BMPR1A: variants seen among roughly 807,000 people sequenced by gnomAD.
BMPR1A encodes bone morphogenetic protein receptor type-1A.
A neutral mutation model predicts 66.0 loss-of-function variants in BMPR1A; 7 were observed. The ratio of observed to expected loss-of-function variants is 0.11; its 90% CI spans 0.06 to 0.20. The LOEUF (loss-of-function observed/expected upper bound fraction) is 0.20. Ranked by LOEUF, BMPR1A falls within the 10% of genes least tolerant of loss-of-function variation. BMPR1A has a pLI of 1.00. For missense variants in BMPR1A, 408 were observed against 669.1 expected, an observed-to-expected ratio of 0.61 and a Z score of 4.31; for synonymous variants, 200 against 229.7, an observed-to-expected ratio of 0.87 and a Z score of 1.17.
intron 1 of BMPR1A, among the ~76,000 whole-genome samples, chr10:86,835,235 TAAAAAGAA>T (rs549430936): frequency 0.048 from 5,294 of 109,230 alleles, 107 homozygotes; most frequent in Middle Eastern, 0.12. Context: ...ACCCTGTCTT[TAAAAAGAA>T]AAAAAGAAAA....
chr10:86,860,510 C>T (rs1349436820), intron 2 of BMPR1A, among the ~76,000 whole-genome samples: 1 of 152,078 alleles, frequency 6.6e-6, no homozygotes, highest in African/African-American at 2.4e-5. Flanking sequence ...TGACTCACAC[C>T]TGTAATTCCA....
At chr10:86,760,248 CTTTT>C (rs60211336) in intron 1 of BMPR1A, among the ~76,000 whole-genome samples, 16 of 17,020 alleles carry the variant, frequency 9.4e-4, no homozygotes, top group South Asian at 3.7e-3. Context: ...TTCTTTCTTT[CTTTT>C]TTTTTTTTTT....
rs569268991 is a variant in BMPR1A, at chr10:86,780,545, CT to C, written c.-268+23627del. The stretch of plus-strand genomic sequence containing the variant: ...CGCCTCCCAGGTTCAAGCAATTCTC[CT>C]GCCTCAGCCTCCCGAGTAGCTGGGA... On this transcript the variant is annotated intron_variant, in intron 1 of 12. Transcript: ENST00000372037. Among the ~76,000 whole-genome samples, 290 of 152,240 alleles carry C rather than the reference CT, an allele frequency of 1.9e-3. 1 individual carries two copies. Among genetic ancestry groups the C allele is most frequent in the Non-Finnish European group, 2.8e-3 (189 of 68,020 alleles).
chr10:86,881,054 C>T (rs547647195), intron 3 of BMPR1A, among the ~76,000 whole-genome samples: 10 of 152,000 alleles, frequency 6.6e-5, no homozygotes, highest in African/African-American at 2.4e-4. Flanking sequence ...AGTTTGAGAC[C>T]AGCCTGGGCA....
chr10:86,882,327 G>A (rs188675290), intron 3 of BMPR1A, among the ~76,000 whole-genome samples: 3 of 152,196 alleles, frequency 2.0e-5, no homozygotes, highest in Admixed American at 6.5e-5. Flanking sequence ...GGAGGCTGAG[G>A]TGGGAGGATC....
intron 1 of BMPR1A, among the ~76,000 whole-genome samples, chr10:86,814,445 G>A (rs1842008036): frequency 6.6e-6 from 1 of 151,806 alleles, no homozygotes; most frequent in African/African-American, 2.4e-5. Context: ...TTTCGTTTTT[G>A]GTTTTTAGAA....
intron 1 of BMPR1A, among the ~76,000 whole-genome samples, chr10:86,800,444 G>T (rs1002779524): frequency 2.6e-5 from 4 of 152,206 alleles, no homozygotes; most frequent in African/African-American, 9.6e-5. Flanking sequence ...GCCCAGGCTG[G>T]AGTGCAATGT....
intron 5 of BMPR1A, among the ~76,000 whole-genome samples, chr10:86,898,091 A>G (rs1426950470): frequency 1.3e-5 from 2 of 151,922 alleles, no homozygotes; most frequent in African/African-American, 4.8e-5. Flanking sequence ...CTTTTTAAAA[A>G]TTATTATTTT....
chr10:86,800,663 G>A (rs1243945614), intron 1 of BMPR1A, among the ~76,000 whole-genome samples: 1 of 152,190 alleles, frequency 6.6e-6, no homozygotes, highest in Admixed American at 6.5e-5. Flanking sequence ...AAAGTGCTGG[G>A]ATTACAGGCA....
chr10:86,906,723 C>CAAA lies in BMPR1A; in HGVS notation c.531-5480_531-5478dup, dbSNP rs929716555. On this transcript the variant is annotated intron_variant, in intron 7 of 12. Transcript: ENST00000372037. ...TGGGCGACAGAGTGAGACTCCGTCT[C>CAAA]AAAAAAAAAAAAAAAAAAAAAAAAA... Among the ~76,000 whole-genome samples the CAAA allele has an allele frequency of 1.0e-3, 11 of 10,698 alleles. 3 individuals carry two copies. The highest frequency in any genetic ancestry group is 9.3e-4 in the Non-Finnish European group (8 of 8,572). The allele number at this position is 10,698 out of a possible 152,430, so 7.0% of individuals were successfully genotyped here. A position where few individuals can be genotyped will look rare whatever the true frequency, so the allele number is the denominator to read the frequency against.
At chr10:86,897,924 A>G (rs1305366271) in intron 5 of BMPR1A, among the ~76,000 whole-genome samples, 1 of 152,026 alleles carries the variant, frequency 6.6e-6, no homozygotes, top group Non-Finnish European at 1.5e-5. Context: ...TTTAACCTGT[A>G]TTTTTTAGCA....
intron 2 of BMPR1A, among the ~76,000 whole-genome samples, chr10:86,872,642 T>C (rs1034571025): frequency 3.3e-5 from 5 of 152,024 alleles, no homozygotes; most frequent in African/African-American, 1.2e-4. Flanking sequence ...TTTAAAAATA[T>C]TTAAATTTAT....
At chr10:86,801,781 T>C (rs147917661) in intron 1 of BMPR1A, among the ~76,000 whole-genome samples, 6,299 of 152,110 alleles carry the variant, frequency 0.041, 443 homozygotes, top group African/African-American at 0.14. Context: ...TGGCGCATGT[T>C]GGCTCACTGC....
At chr10:86,762,752 G>A (rs146450688) in intron 1 of BMPR1A, among the ~76,000 whole-genome samples, 19 of 152,314 alleles carry the variant, frequency 1.2e-4, no homozygotes, top group African/African-American at 3.8e-4. Flanking sequence ...CAAAAAGGAA[G>A]TCCAGGGAAT....
intron 1 of BMPR1A, among the ~76,000 whole-genome samples, chr10:86,773,429 AAAAAAGTAC>A: frequency 6.6e-6 from 1 of 152,020 alleles, no homozygotes; most frequent in Admixed American, 6.5e-5. Flanking sequence ...TGTCTCTACT[AAAAAAGTAC>A]AAAAATTAGC....
intron 1 of BMPR1A, among the ~76,000 whole-genome samples, chr10:86,771,246 A>G (rs900110616): frequency 2.0e-5 from 3 of 152,246 alleles, no homozygotes; most frequent in African/African-American, 7.2e-5. Flanking sequence ...CTCAAAAAGA[A>G]ACACTAATTC....
intron 2 of BMPR1A, among the ~76,000 whole-genome samples, chr10:86,856,735 G>A (rs1028565904): frequency 6.6e-6 from 1 of 152,178 alleles, no homozygotes; most frequent in African/African-American, 2.4e-5. Flanking sequence ...GTTTAAGGGT[G>A]CAGTTCCCAA....
intron 2 of BMPR1A, among the ~76,000 whole-genome samples, chr10:86,875,300 G>A (rs1206147104): frequency 6.6e-6 from 1 of 152,074 alleles, no homozygotes; most frequent in Admixed American, 6.5e-5. Context: ...TTGAACCCAG[G>A]AGGTGGAGGT....
intron 2 of BMPR1A, among the ~76,000 whole-genome samples, chr10:86,864,290 G>A (rs762756411): frequency 2.0e-5 from 3 of 151,972 alleles, no homozygotes; most frequent in Non-Finnish European, 4.4e-5. Context: ...TCATGACACC[G>A]ACACGACAAA....
Sources: gnomAD v4.1 joint callset for allele counts (sites outside exome capture counted in the v4.1 genomes callset) on GRCh38, gnomAD v4.1.1 for gene constraint, MANE v1.5 for transcripts, NCBI Gene and HGNC (gene_info 2026-07-23, HGNC 2026-07-21) for gene names.